ACLY: variants seen among roughly 807,000 people sequenced by gnomAD.
The protein encoded by ACLY is ATP citrate lyase.
In ACLY, 41 loss-of-function variants were observed where a neutral mutation model predicts 133.0. The observed-to-expected ratio is 0.31, with a 90% CI of 0.24 to 0.40. The LOEUF (loss-of-function observed/expected upper bound fraction) is 0.40, where lower values mean the gene tolerates loss of function less well. Ranked by LOEUF, ACLY falls within the 10% of genes least tolerant of loss-of-function variation. The pLI is 1.00. For synonymous variants in ACLY, 495 were observed against 549.3 expected (o/e 0.90, Z 1.38); for missense variants, 1,046 against 1,453.8 (o/e 0.72, Z 4.56).
chr17:41,892,240 T>TGGGGGGGGGGGGGGGGGG lies in ACLY; in HGVS notation c.1770+38_1770+39insCCCCCCCCCCCCCCCCCC. On this transcript the variant is annotated intron_variant, in intron 16 of 28. Coordinates refer to ENST00000352035, the MANE Select transcript of ACLY (RefSeq NM_001096.3). ...CAGTGATCTACCTGCGCATAGTTCA[T>TGGGGGGGGGGGGGGGGGG]GGTCCCCACCCCCCACCCTCCAGAG... 21 of 400,148 alleles carry TGGGGGGGGGGGGGGGGGG rather than the reference T, an allele frequency of 5.2e-5. 1 individual carries two copies. Among genetic ancestry groups the TGGGGGGGGGGGGGGGGGG allele is most frequent in the Non-Finnish European group, 7.9e-5 (20 of 251,746 alleles). The allele number at this position is 400,148 out of a possible 1,614,324, so 24.8% of individuals were successfully genotyped here.
chr17:41,920,874 C>T (rs1360199557), upstream of ACLY, among the ~76,000 whole-genome samples: 1 of 152,106 alleles, frequency 6.6e-6, no homozygotes, highest in Non-Finnish European at 1.5e-5. Context: ...CCAGCCTGGC[C>T]AACAGGTGAA....
chr17:41,918,420 T>C (rs2050113729), intron 1 of ACLY, among the ~76,000 whole-genome samples: 1 of 152,234 alleles, frequency 6.6e-6, no homozygotes, highest in South Asian at 2.1e-4. Context: ...AAGAAGGGCC[T>C]GAGCCCGGCC....
intron 20 of ACLY, among the ~76,000 whole-genome samples, chr17:41,879,642 C>T (rs1289169038): frequency 4.6e-4 from 14 of 30,152 alleles, no homozygotes; most frequent in Admixed American, 1.3e-3. Context: ...AGCAAGACTC[C>T]GTCTCAAAAA....
rs782610129 is a variant in ACLY at position 41,867,804 on chromosome 17, G to A, written c.*6C>T. Reference sequence around the variant, plus strand: ...TCAGTTTACTGCAGTAGGGTTCCTGGCTCTGTTACATGCTCATGTGTTCCG... The same window carrying A: ...TCAGTTTACTGCAGTAGGGTTCCTGACTCTGTTACATGCTCATGTGTTCCG... On this transcript the variant is annotated 3_prime_UTR_variant, in exon 29 of 29. Coordinates refer to ENST00000352035, the MANE Select transcript of ACLY (RefSeq NM_001096.3). 108 of 1,603,634 alleles carry A rather than the reference G, an allele frequency of 6.7e-5. No individual in the cohort carries two copies. Among genetic ancestry groups the A allele is most frequent in the Non-Finnish European group, 8.9e-5 (105 of 1,174,378 alleles).
rs79773926 is a variant in ACLY, at chr17:41,895,490, G to A, written c.1459+1130C>T. ...TCCAGAGAGAACCTCTGTGCCAGGG[G>A]CTATGCCCCCTACACCAGGCCTCCT... On this transcript the variant is annotated intron_variant, in intron 14 of 28. Transcript: ENST00000352035. 7.5e-3 allele frequency among the ~76,000 whole-genome samples: 1,137 copies of A among 152,296 alleles called. 10 individuals carry two copies. Among genetic ancestry groups the A allele is most frequent in the Non-Finnish European group, 0.01 (689 of 68,018 alleles).
chr17:41,884,334 C>T, intron 18 of ACLY, 60 bp from the exon 19 acceptor site: 1 of 1,161,658 alleles, frequency 8.6e-7, no homozygotes, highest in East Asian at 2.3e-5. Flanking sequence ...GAAGTGTGTA[C>T]AGGGTTAGGA....
In ACLY at chr17:41,872,101, G is replaced by A; in HGVS notation, c.2724C>T (p.His908=). The A allele has an allele frequency of 6.2e-7, 1 of 1,614,112 alleles. No homozygotes were observed. Among genetic ancestry groups the A allele is most frequent in the Non-Finnish European group, 8.5e-7 (1 of 1,180,014 alleles). ...ADHGPAVSGA[H]NTIICARAGK... ...CAGCTCGCGCACAAATGATGGTGTT[G>A]TGGGCTCCAGAGACGGCTGGCCCGT... Residue 908 remains histidine, a synonymous_variant, in exon 24 of 29, where the codon CAC becomes CAT. Coordinates refer to ENST00000352035, the MANE Select transcript of ACLY (RefSeq NM_001096.3).
At position 41,913,743 on chromosome 17, in the gene ACLY, A is replaced by G. The variant is rs781951383; in HGVS notation, c.131T>C (p.Leu44Pro). The change falls in exon 2 of 29, where the codon CTG becomes CCG. Residue 44 changes from leucine (L) to proline (P), a missense_variant. Coordinates refer to ENST00000352035, the MANE Select transcript of ACLY (RefSeq NM_001096.3). ...GCTGAGCAGCCAGGGGTGGTCCTGC[A>G]GCAAGCGGGCCCAGTCTGTGTCAGG... is the stretch of plus-strand genomic sequence containing the variant. The part of the protein sequence containing the change: ...VTPDTDWARL[L>P]QDHPWLLSQN... 1 of 1,614,202 alleles carries G rather than the reference A, an allele frequency of 6.2e-7. No homozygotes were observed. Among genetic ancestry groups the G allele is most frequent in the Non-Finnish European group, 8.5e-7 (1 of 1,180,036 alleles).
Position 41,887,707 on chromosome 17 carries a change from G to C in ACLY, c.1771-4C>G. On this transcript the variant is annotated splice_polypyrimidine_tract_variant and splice_region_variant and intron_variant, in intron 16 of 28. Coordinates refer to ENST00000352035, the MANE Select transcript of ACLY (RefSeq NM_001096.3). ...CTATGATGGCGATGGTCCGGATCTA[G>C]AGGATGACAAAAGTCCCTTCCTGTT... The C allele has an allele frequency of 6.2e-7, 1 of 1,613,276 alleles. No homozygotes were observed. The highest frequency in any genetic ancestry group is 8.5e-7 in the Non-Finnish European group (1 of 1,179,358).
Position 41,869,060 on chromosome 17 carries a change from G to T in ACLY, c.3117C>A (p.Asn1039Lys). 6.2e-7 allele frequency: 1 copy of T among 1,613,740 alleles called. No individual in the cohort carries two copies. The highest frequency in any genetic ancestry group is 2.2e-5 in the East Asian group (1 of 44,872). Residue 1039 changes from asparagine to lysine, a missense_variant, in exon 27 of 29, where the codon AAC (asparagine) becomes AAA (lysine). Asn to Lys is a moderately conservative substitution (Grantham distance 94, BLOSUM62 0). This residue lies in a region of ACLY where 205 missense variants were observed against 373.3 expected (regional missense o/e 0.55). Coordinates refer to ENST00000352035, the MANE Select transcript of ACLY (RefSeq NM_001096.3). ...ATGCTCACCGAGTAAAGGACCCACA[G>T]TTTCTAAGCATGTCTACAAATGCGA... is the stretch of plus-strand genomic sequence containing the variant. ...IGVAFVDMLR[N>K]CGSFTREEAD...
At chr17:41,920,365 C>T (rs946126516), upstream of ACLY, among the ~76,000 whole-genome samples, 1 of 152,034 alleles carries the variant, frequency 6.6e-6, no homozygotes, top group Non-Finnish European at 1.5e-5. Context: ...TTTGGAAGGC[C>T]AAGGTGGGGG....
In ACLY at chr17:41,918,805, C is replaced by G. The variant is rs182189366; in HGVS notation, c.-24+75G>C. ...GAGCCCGCGTCGGGGAAGGCGGTTC[C>G]GGGTTGGGGGACGGAGGCAGGAAGC... is the stretch of plus-strand genomic sequence containing the variant. On this transcript the variant is annotated intron_variant, in intron 1 of 28. Transcript: ENST00000352035. 2.0e-3 allele frequency: 2,482 copies of G among 1,263,192 alleles called. 49 individuals are homozygous for G. The African/African-American group carries it at 0.035, about 18-fold the overall frequency. The allele number at this position is 1,263,192 out of a possible 1,614,324, so 78.2% of individuals were successfully genotyped here.
At chr17:41,879,378 T>A (rs868947633) in intron 20 of ACLY, among the ~76,000 whole-genome samples, 2 of 150,674 alleles carry the variant, frequency 1.3e-5, no homozygotes, top group Non-Finnish European at 2.9e-5. Flanking sequence ...AGTGCTGGGA[T>A]TACAGGTGTG....
At chr17:41,878,648 G>GAA in intron 21 of ACLY, 149 bp downstream of exon 21, 1 of 976,822 alleles carries the variant, frequency 1.0e-6, no homozygotes, top group Admixed American at 2.3e-5. Flanking sequence ...GAAAGCCAAA[G>GAA]AGAAAGAGGA....
At chr17:41,877,963 A>T in intron 22 of ACLY, 140 bp downstream of exon 22, 1 of 423,254 alleles carries the variant, frequency 2.4e-6, no homozygotes, top group Non-Finnish European at 4.2e-6. Context: ...ATATCCTATT[A>T]GTTCTGTCCC....
intron 18 of ACLY, among the ~76,000 whole-genome samples, chr17:41,885,100 G>A (rs986962174): frequency 2.0e-5 from 3 of 151,888 alleles, no homozygotes; most frequent in African/African-American, 4.9e-5. Flanking sequence ...AGCTAGTCTC[G>A]AATTTCTGGG....
At chr17:41,872,684 A>C (rs782803217) in intron 23 of ACLY, among the ~76,000 whole-genome samples, 1 of 152,122 alleles carries the variant, frequency 6.6e-6, no homozygotes. Context: ...CTATTCTTTG[A>C]TCAGTGATTT....
chr17:41,882,225 G>T (rs1378930043), intron 20 of ACLY, among the ~76,000 whole-genome samples: 2 of 151,656 alleles, frequency 1.3e-5, no homozygotes, highest in African/African-American at 2.4e-5. Flanking sequence ...AAATTAGCTG[G>T]GTGTGGTGGC....
intron 18 of ACLY, among the ~76,000 whole-genome samples, chr17:41,885,637 T>C (rs560312955): frequency 2.6e-5 from 4 of 152,200 alleles, no homozygotes; most frequent in Non-Finnish European, 5.9e-5. Flanking sequence ...GACACTTATA[T>C]GTATTACAAT....
Sources: gnomAD v4.1 joint callset for allele counts (sites outside exome capture counted in the v4.1 genomes callset) on GRCh38, gnomAD v4.1.1 for gene constraint, gnomAD v4.1.1 regional missense constraint, MANE v1.5 for transcripts, NCBI Gene and HGNC (gene_info 2026-07-23, HGNC 2026-07-21) for gene names.